MAPKAP1: variants seen among roughly 807,000 people sequenced by gnomAD.
MAPKAP1 encodes the protein target of rapamycin complex 2 subunit MAPKAP1.
Under a neutral mutation model 65.7 loss-of-function variants are expected in MAPKAP1, and 20 were observed. The observed-to-expected ratio is 0.30, with a 90% CI of 0.21 to 0.44. The LOEUF is 0.44. Ranked by LOEUF, MAPKAP1 falls within the 20% of genes least tolerant of loss-of-function variation. The probability of loss-of-function intolerance (pLI) is 1.00; values close to 1 mark genes in which losing one functional copy is unlikely to be tolerated. For synonymous variants in MAPKAP1, 222 were observed against 244.3 expected (o/e 0.91, Z 0.85); for missense variants, 423 against 648.0 (o/e 0.65, Z 3.77).
chr9:125,612,663 A>G (rs1008627605), intron 4 of MAPKAP1, among the ~76,000 whole-genome samples: 6 of 75,322 alleles, frequency 8.0e-5, no homozygotes, highest in Non-Finnish European at 8.1e-5. Context: ...TTGGGTAAAT[A>G]GAGGCTCTAT....
At chr9:125,539,630 A>C (rs770001348) in intron 7 of MAPKAP1, among the ~76,000 whole-genome samples, 5 of 152,252 alleles carry the variant, frequency 3.3e-5, no homozygotes, top group Admixed American at 6.5e-5. Flanking sequence ...AACTTGAATT[A>C]AGGCCTTTAT....
intron 6 of MAPKAP1, among the ~76,000 whole-genome samples, chr9:125,548,864 A>G (rs562799932): frequency 6.6e-6 from 1 of 152,318 alleles, no homozygotes; most frequent in African/African-American, 2.4e-5. Context: ...TTTATAAAAG[A>G]GAAAATTGAG....
chr9:125,652,160 TG>T, intron 4 of MAPKAP1: 1 of 1,319,080 alleles, frequency 7.6e-7, no homozygotes, highest in South Asian at 1.2e-5. Context: ...CATGCTTTTC[TG>T]CAAAGTTTTA....
chr9:125,486,872 C>G (rs1242080377), intron 8 of MAPKAP1, among the ~76,000 whole-genome samples: 1 of 152,132 alleles, frequency 6.6e-6, no homozygotes, highest in Non-Finnish European at 1.5e-5. Flanking sequence ...TCCAGGGAAG[C>G]CTTCCCTGGC....
Position 125,442,128 on chromosome 9 carries a change from C to CAAAAA in MAPKAP1, c.1443+2368_1443+2372dup, listed in dbSNP as rs71492449. Among the ~76,000 whole-genome samples, 47 of 38,752 alleles carry CAAAAA rather than the reference C, an allele frequency of 1.2e-3. 4 individuals carry two copies. Among genetic ancestry groups the CAAAAA allele is most frequent in the African/African-American group, 4.5e-3 (47 of 10,478 alleles). 25.4% of individuals were successfully genotyped at this position (38,752 alleles called of 152,430 possible). On this transcript the variant is annotated intron_variant, in intron 11 of 11. Coordinates refer to ENST00000265960, the MANE Select transcript of MAPKAP1 (RefSeq NM_001006617.3). ...TGTGCAACAGAGTGAGACTCTGTCT[C>CAAAAA]AAAAAAAAAAAAAAAAAAAAAAAAA...
At chr9:125,658,455 T>C (rs1422461550) in intron 3 of MAPKAP1, among the ~76,000 whole-genome samples, 1 of 152,202 alleles carries the variant, frequency 6.6e-6, no homozygotes, top group Non-Finnish European at 1.5e-5. Flanking sequence ...AACAAGCCTA[T>C]GAGGTAGATA....
At chr9:125,535,634 T>G (rs1830053373) in intron 7 of MAPKAP1, among the ~76,000 whole-genome samples, 1 of 152,246 alleles carries the variant, frequency 6.6e-6, no homozygotes, top group Non-Finnish European at 1.5e-5. Context: ...TTAGAGAGGT[T>G]AAGTACATCA....
At chr9:125,464,789 T>A (rs1853619420) in intron 10 of MAPKAP1, among the ~76,000 whole-genome samples, 1 of 152,238 alleles carries the variant, frequency 6.6e-6, no homozygotes. Flanking sequence ...GCCGCTCAAA[T>A]GCTCAGTCTC....
chr9:125,697,304 T>TA (rs768328731), intron 1 of MAPKAP1, among the ~76,000 whole-genome samples: 1 of 152,262 alleles, frequency 6.6e-6, no homozygotes, highest in Non-Finnish European at 1.5e-5. Context: ...TCACTGACTC[T>TA]ACTCATATTT....
chr9:125,442,956 A>G (rs1165199669), intron 11 of MAPKAP1, among the ~76,000 whole-genome samples: 1 of 152,212 alleles, frequency 6.6e-6, no homozygotes, highest in Non-Finnish European at 1.5e-5. Flanking sequence ...CAAGTCTGAA[A>G]TCTGTCAAAT....
intron 10 of MAPKAP1, among the ~76,000 whole-genome samples, chr9:125,460,940 C>T (rs2132973960): frequency 6.6e-6 from 1 of 152,298 alleles, no homozygotes; most frequent in Non-Finnish European, 1.5e-5. Context: ...CTGGAGGAAG[C>T]AGGGAGTGTA....
In MAPKAP1 at chr9:125,596,196, A is replaced by C. The variant is rs537115469; in HGVS notation, c.499-10469T>G. The C allele has an allele frequency of 7.0e-5, 54 of 767,672 alleles. No individual in the cohort carries two copies. The African/African-American group carries it at 8.8e-4, about 12-fold the overall frequency. 47.6% of individuals were successfully genotyped at this position (767,672 alleles called of 1,614,324 possible). ...TGTGAATGGCCACAATTGTGAAGTT[A>C]GGAAAGCTCTGTCAAAGCAAGAGAT... On this transcript the variant is annotated intron_variant, in intron 4 of 11. Transcript: ENST00000265960.
intron 9 of MAPKAP1, chr9:125,471,372 G>A (rs1853916496): frequency 6.5e-6 from 1 of 153,062 alleles, no homozygotes; most frequent in South Asian, 2.1e-4. Context: ...GATCAGTGAG[G>A]AAGCAGGTGC....
chr9:125,651,597 C>A (rs913903934), intron 4 of MAPKAP1, among the ~76,000 whole-genome samples: 5 of 152,120 alleles, frequency 3.3e-5, no homozygotes, highest in Non-Finnish European at 7.4e-5. Flanking sequence ...AAGAGAGAGA[C>A]TCTGTCTCAA....
intron 10 of MAPKAP1, among the ~76,000 whole-genome samples, chr9:125,450,682 T>C (rs1251132821): frequency 1.3e-5 from 2 of 152,374 alleles, no homozygotes; most frequent in East Asian, 3.9e-4. Flanking sequence ...TGGATACTTT[T>C]TGAAAACTCA....
intron 1 of MAPKAP1, among the ~76,000 whole-genome samples, chr9:125,697,342 A>T (rs1835416390): frequency 6.6e-6 from 1 of 152,218 alleles, no homozygotes. Flanking sequence ...ACTATGATTT[A>T]TTTTTAAATA....
intron 7 of MAPKAP1, among the ~76,000 whole-genome samples, chr9:125,513,802 C>G (rs4837019): frequency 0.33 from 50,719 of 152,012 alleles, 9,178 homozygotes; most frequent in Middle Eastern, 0.45. Context: ...ATGCTGGCAT[C>G]AAAGCGAAAG....
intron 5 of MAPKAP1, among the ~76,000 whole-genome samples, chr9:125,580,850 C>T (rs986303024): frequency 6.6e-6 from 1 of 152,160 alleles, no homozygotes; most frequent in Admixed American, 6.5e-5. Context: ...TTTTTTACCA[C>T]CCGTTTATAG....
At chr9:125,657,569 C>A in intron 4 of MAPKAP1, 82 bp downstream of exon 4, 1 of 1,267,404 alleles carries the variant, frequency 7.9e-7, no homozygotes. Context: ...ATTTCTGAAA[C>A]CCTAAATCTA....
Sources: allele counts gnomAD v4.1 joint callset (sites outside exome capture counted in the v4.1 genomes callset), GRCh38; gene constraint gnomAD v4.1.1; transcripts MANE v1.5; gene names NCBI Gene and HGNC (gene_info 2026-07-23, HGNC 2026-07-21).